PCDHB7: variants seen among roughly 807,000 people sequenced by gnomAD.
PCDHB7 encodes protocadherin beta 7.
For synonymous variants in PCDHB7, 542 were observed against 463.1 expected (o/e 1.17, Z -2.19); for missense variants, 1,148 against 1,011.6 (o/e 1.13, Z -1.83).
Position 141,173,315 on chromosome 5 carries a change from A to G in PCDHB7, c.480A>G (p.Ser160=), listed in dbSNP as rs1444539824. The change falls in exon 1 of 1, where the codon TCA becomes TCG. Residue 160 remains serine (S), a synonymous_variant. Coordinates refer to ENST00000231137, the MANE Select transcript of PCDHB7 (RefSeq NM_018940.4). ...TTCTCCTAGAGAGTGCACAGGATTC[A>G]GATGTTGGAACCAACAGCCTGAGTA... The part of the protein sequence containing the change: ...AAFLLESAQD[S]DVGTNSLSNY... The G allele has an allele frequency of 6.2e-7, 1 of 1,613,934 alleles. No individual in the cohort carries two copies. Among genetic ancestry groups the G allele is most frequent in the Admixed American group, 1.7e-5 (1 of 60,000 alleles).
Position 141,174,181 on chromosome 5 carries a change from C to A in PCDHB7, c.1346C>A (p.Pro449His), listed in dbSNP as rs370975099. The A allele has an allele frequency of 7.4e-6, 12 of 1,613,470 alleles. No individual in the cohort carries two copies. The highest frequency in any genetic ancestry group is 2.7e-5 in the African/African-American group (2 of 74,922). Residue 449 changes from proline (P) to histidine (H), a missense_variant, in exon 1 of 1, where the codon CCC becomes CAC. Pro to His is a moderately conservative substitution (Grantham distance 77, BLOSUM62 -2). Transcript: ENST00000231137. Reference sequence around the variant, plus strand: ...GTCTCCGACGTCAATGACAACGCTCCCGCCTTCACCCAAACCTCCTACACC... The same window carrying A: ...GTCTCCGACGTCAATGACAACGCTCACGCCTTCACCCAAACCTCCTACACC... ...VLVSDVNDNAPAFTQTSYTLF... is the reference protein window; with the variant it reads ...VLVSDVNDNAHAFTQTSYTLF...
At position 141,174,729 on chromosome 5, in the gene PCDHB7, G is replaced by C. The variant is rs17844473; in HGVS notation, c.1894G>C (p.Glu632Gln). ...GGTGCGTACCGCCAGGCTGCTGAGC[G>C]AGCGCGACGCAGCCAAGCAGAGGCT... The part of the protein sequence containing the change: ...GEVRTARLLS[E>Q]RDAAKQRLVV... Residue 632 changes from glutamate (E) to glutamine (Q), a missense_variant, in exon 1 of 1, where the codon GAG becomes CAG. By Grantham distance (29) the Glu-to-Gln change is conservative. Coordinates refer to ENST00000231137, the MANE Select transcript of PCDHB7 (RefSeq NM_018940.4). 1.2e-6 allele frequency: 2 copies of C among 1,610,984 alleles called. No homozygotes were observed. Among genetic ancestry groups the C allele is most frequent in the Non-Finnish European group, 1.7e-6 (2 of 1,179,668 alleles).
chr5:141,173,076 A>T lies in PCDHB7; in HGVS notation c.241A>T (p.Thr81Ser). The T allele has an allele frequency of 6.2e-7, 1 of 1,614,202 alleles. No individual in the cohort carries two copies. Among genetic ancestry groups the T allele is most frequent in the Non-Finnish European group, 8.5e-7 (1 of 1,180,038 alleles). The change falls in exon 1 of 1, where the codon ACT (threonine) becomes TCT (serine). Residue 81 changes from threonine (T) to serine (S), a missense_variant. Physicochemically the swap from Thr to Ser is moderately conservative, Grantham distance 58. Transcript: ENST00000231137. ...GCAAATTTTACTGCTCAGTTCGCTT[A>T]CTGGTGATCTACTTCTAAATGAGAA... is the stretch of plus-strand genomic sequence containing the variant. ...NMQILLLSSLTGDLLLNEKLD... is the reference protein window; with the variant it reads ...NMQILLLSSLSGDLLLNEKLD...
rs1292393622 is a variant in PCDHB7, at chr5:141,174,177, G to A, written c.1342G>A (p.Ala448Thr). 3 of 1,613,492 alleles carry A rather than the reference G, an allele frequency of 1.9e-6. No homozygotes were observed. The highest frequency in any genetic ancestry group is 1.3e-5 in the African/African-American group (1 of 74,896). The change falls in exon 1 of 1, where the codon GCT (alanine) becomes ACT (threonine). Residue 448 changes from alanine to threonine, a missense_variant. Transcript: ENST00000231137. Reference sequence around the variant, plus strand: ...GCTGGTCTCCGACGTCAATGACAACGCTCCCGCCTTCACCCAAACCTCCTA... The same window carrying A: ...GCTGGTCTCCGACGTCAATGACAACACTCCCGCCTTCACCCAAACCTCCTA... Reference protein sequence around the residue: ...TVLVSDVNDNAPAFTQTSYTL... With the variant: ...TVLVSDVNDNTPAFTQTSYTL...
At position 141,174,127 on chromosome 5, in the gene PCDHB7, T is replaced by G. The variant is rs1753297664; in HGVS notation, c.1292T>G (p.Leu431Arg). The change falls in exon 1 of 1, where the codon CTG becomes CGG. Residue 431 changes from leucine (L) to arginine (R), a missense_variant. Physicochemically the swap from Leu to Arg is moderately radical, Grantham distance 102 (BLOSUM62 -2). Transcript: ENST00000231137. ...GTCACCGACTTGGGGACACCCAGGC[T>G]GAAAACCGAGCACAACATAACCGTG... is the stretch of plus-strand genomic sequence containing the variant. ...ITVTDLGTPR[L>R]KTEHNITVLV... The G allele has an allele frequency of 6.2e-7, 1 of 1,614,082 alleles. No homozygotes were observed. Among genetic ancestry groups the G allele is most frequent in the Non-Finnish European group, 8.5e-7 (1 of 1,180,038 alleles).
In PCDHB7 at chr5:141,175,501, A is replaced by C; in HGVS notation, c.*284A>C. The stretch of plus-strand genomic sequence containing the variant: ...TTTTAAATTGCTTTCCATTGTTTTC[A>C]ATCTCTACTGAGACTTCCTGAGTTG... On this transcript the variant is annotated 3_prime_UTR_variant, in exon 1 of 1. Coordinates refer to ENST00000231137, the MANE Select transcript of PCDHB7 (RefSeq NM_018940.4). The C allele has an allele frequency of 2.2e-6, 1 of 447,084 alleles. No homozygotes were observed. The highest frequency in any genetic ancestry group is 3.9e-6 in the Non-Finnish European group (1 of 256,696). 27.7% of individuals were successfully genotyped at this position (447,084 alleles called of 1,614,324 possible).
rs1554280458 is a variant in PCDHB7, at chr5:141,175,076, C to A, written c.2241C>A (p.Tyr747Ter). The A allele has an allele frequency of 3.1e-6, 5 of 1,614,230 alleles. No individual in the cohort carries two copies. In the South Asian group the frequency reaches 4.4e-5, roughly 14 times the overall value. ...GCACCGGGACCCTATCCCAGAGCTA[C>A]CAGTATGAGGTGTGCCTGACTGGAG... ...LSGTGTLSQS[Y>*]QYEVCLTGGS... Residue 747 changes from tyrosine to a stop codon, truncating the protein, a stop_gained, in exon 1 of 1, where the codon TAC becomes TAA. Transcript: ENST00000231137. LOFTEE classifies it low-confidence loss of function (END_TRUNC).
In PCDHB7 at chr5:141,175,921, A is replaced by C. The variant is rs548651314; in HGVS notation, c.*704A>C. ...TCTATATTTAGAAATAATAATGTACATATTTATCTATGGTTTTATTTTCTT... is the reference window on the plus strand; with the variant it reads ...TCTATATTTAGAAATAATAATGTACCTATTTATCTATGGTTTTATTTTCTT... On this transcript the variant is annotated 3_prime_UTR_variant, in exon 1 of 1. Coordinates refer to ENST00000231137, the MANE Select transcript of PCDHB7 (RefSeq NM_018940.4). The C allele has an allele frequency of 1.2e-5, 2 of 167,114 alleles. No homozygotes were observed. Among genetic ancestry groups the C allele is most frequent in the East Asian group, 3.8e-4 (2 of 5,202 alleles). The allele number at this position is 167,114 out of a possible 1,614,324, so 10.4% of individuals were successfully genotyped here.
rs781831445 is a variant in PCDHB7 at position 141,173,764 on chromosome 5, A to C, written c.929A>C (p.Glu310Ala). The C allele has an allele frequency of 2.5e-6, 4 of 1,614,016 alleles. No homozygotes were observed. The African/African-American group carries it at 5.3e-5, about 22-fold the overall frequency. Residue 310 changes from glutamate (E) to alanine (A), a missense_variant, in exon 1 of 1, where the codon GAG becomes GCG. Glu to Ala is a moderately radical substitution (Grantham distance 107, BLOSUM62 -1). Transcript: ENST00000231137. ...SLHLKAQLDYEAIQTYTLTIQ... is the reference protein window; with the variant it reads ...SLHLKAQLDYAAIQTYTLTIQ... ...CATCTTAAAGCGCAATTGGACTATG[A>C]GGCAATTCAAACTTACACATTAACT... is the stretch of plus-strand genomic sequence containing the variant.
chr5:141,175,432 AT>A lies in PCDHB7; in HGVS notation c.*216del. On this transcript the variant is annotated 3_prime_UTR_variant, in exon 1 of 1. Coordinates refer to ENST00000231137, the MANE Select transcript of PCDHB7 (RefSeq NM_018940.4). Reference sequence around the variant, plus strand: ...GTGTAATGTTTTATGTCAAACAATTATGCTTAATATACAGTCTATTAAATGT... The same window carrying A: ...GTGTAATGTTTTATGTCAAACAATTAGCTTAATATACAGTCTATTAAATGT... The A allele has an allele frequency of 1.6e-6, 1 of 625,968 alleles. No individual in the cohort carries two copies. Among genetic ancestry groups the A allele is most frequent in the Non-Finnish European group, 2.7e-6 (1 of 373,504 alleles). 38.8% of individuals were successfully genotyped at this position (625,968 alleles called of 1,614,324 possible).
chr5:141,174,135 G>A lies in PCDHB7; in HGVS notation c.1300G>A (p.Glu434Lys), dbSNP rs782231992. The A allele has an allele frequency of 1.9e-6, 3 of 1,613,990 alleles. No individual in the cohort carries two copies. Among genetic ancestry groups the A allele is most frequent in the Non-Finnish European group, 2.5e-6 (3 of 1,180,030 alleles). The change falls in exon 1 of 1, where the codon GAG (glutamate) becomes AAG (lysine). Residue 434 changes from glutamate (E) to lysine (K), a missense_variant. By Grantham distance (56) the Glu-to-Lys change is moderately conservative. Transcript: ENST00000231137. ...CTTGGGGACACCCAGGCTGAAAACC[G>A]AGCACAACATAACCGTGCTGGTCTC... ...TDLGTPRLKT[E>K]HNITVLVSDV...
rs1753281519 is a variant in PCDHB7 at position 141,173,795 on chromosome 5, G to A, written c.960G>A (p.Gln320=). 7 of 1,614,056 alleles carry A rather than the reference G, an allele frequency of 4.3e-6. 1 individual carries two copies. The highest frequency in any genetic ancestry group is 5.9e-6 in the Non-Finnish European group (7 of 1,180,034). The change falls in exon 1 of 1, where the codon CAG becomes CAA. Residue 320 remains glutamine, a synonymous_variant. Transcript: ENST00000231137. ...EAIQTYTLTI[Q]AKDGGGLSGK... ...TTCAAACTTACACATTAACTATTCA[G>A]GCCAAAGACGGCGGCGGGCTTTCTG...
rs1753353751 is a variant in PCDHB7, at chr5:141,175,237, C to T, written c.*20C>T. The stretch of plus-strand genomic sequence containing the variant: ...TTCTGATAAAGAATGTAAACTAAAT[C>T]CGCGTCTGTGAATACGTTTCTGATT... On this transcript the variant is annotated 3_prime_UTR_variant, in exon 1 of 1. Coordinates refer to ENST00000231137, the MANE Select transcript of PCDHB7 (RefSeq NM_018940.4). The T allele has an allele frequency of 6.3e-7, 1 of 1,580,728 alleles. No individual in the cohort carries two copies. Among genetic ancestry groups the T allele is most frequent in the African/African-American group, 1.4e-5 (1 of 73,556 alleles).
rs1554280457 is a variant in PCDHB7, at chr5:141,175,072, G to C, written c.2237G>C (p.Ser746Thr). 2 of 1,614,262 alleles carry C rather than the reference G, an allele frequency of 1.2e-6. No homozygotes were observed. The highest frequency in any genetic ancestry group is 1.3e-5 in the African/African-American group (1 of 75,058). ...AGCGGCACCGGGACCCTATCCCAGA[G>C]CTACCAGTATGAGGTGTGCCTGACT... ...DLSGTGTLSQ[S>T]YQYEVCLTGG... The change falls in exon 1 of 1, where the codon AGC becomes ACC. Residue 746 changes from serine to threonine, a missense_variant. Coordinates refer to ENST00000231137, the MANE Select transcript of PCDHB7 (RefSeq NM_018940.4).
In PCDHB7 at chr5:141,173,474, C is replaced by A. The variant is rs782026086; in HGVS notation, c.639C>A (p.Thr213=). ...EEIPEFSLTL[T]ALDGGSPPRS... ...TACCAGAGTTCAGTTTAACCCTCACCGCTTTAGACGGCGGCTCTCCTCCAA... is the reference window on the plus strand; with the variant it reads ...TACCAGAGTTCAGTTTAACCCTCACAGCTTTAGACGGCGGCTCTCCTCCAA... The change falls in exon 1 of 1, where the codon ACC becomes ACA. Residue 213 remains threonine, a synonymous_variant. Transcript: ENST00000231137. 5.6e-6 allele frequency: 9 copies of A among 1,614,160 alleles called. No homozygotes were observed. Among genetic ancestry groups the A allele is most frequent in the Admixed American group, 1.7e-5 (1 of 60,028 alleles).
chr5:141,173,669 C>T lies in PCDHB7; in HGVS notation c.834C>T (p.Ala278=), dbSNP rs1554280041. ...ATACCGGAAGTAATGGGGAAATAGC[C>T]TATGCATTTTCTTACGCCACTGAAA... The part of the protein sequence containing the change: ...DLDTGSNGEI[A]YAFSYATERI... Residue 278 remains alanine, a synonymous_variant, in exon 1 of 1, where the codon GCC becomes GCT. Transcript: ENST00000231137. 1.2e-6 allele frequency: 2 copies of T among 1,614,046 alleles called. No homozygotes were observed. The highest frequency in any genetic ancestry group is 1.7e-6 in the Non-Finnish European group (2 of 1,180,040).
rs782281188 is a variant in PCDHB7 at position 141,175,095 on chromosome 5, ACTGGAGG to A, written c.2263_2269del (p.Gly755ProfsTer9). On this transcript the variant is annotated frameshift_variant, in exon 1 of 1. Transcript: ENST00000231137. LOFTEE classifies it low-confidence loss of function (END_TRUNC). ...GAGCTACCAGTATGAGGTGTGCCTG[ACTGGAGG>A]CTCCGGGACAAATGAGTTCAAGTTT... 3.7e-6 allele frequency: 6 copies of A among 1,614,132 alleles called. No homozygotes were observed. Among genetic ancestry groups the A allele is most frequent in the Non-Finnish European group, 3.4e-6 (4 of 1,180,052 alleles).
chr5:141,174,862 C>G lies in PCDHB7; in HGVS notation c.2027C>G (p.Ala676Gly). 1 of 1,612,544 alleles carries G rather than the reference C, an allele frequency of 6.2e-7. No individual in the cohort carries two copies. The highest frequency in any genetic ancestry group is 8.5e-7 in the Non-Finnish European group (1 of 1,179,752). The change falls in exon 1 of 1, where the codon GCG becomes GGG. Residue 676 changes from alanine to glycine, a missense_variant. Physicochemically the swap from Ala to Gly is moderately conservative, Grantham distance 60. Transcript: ENST00000231137. ...FSQPYLRLPE[A>G]APDQANSLTV... ...CAGCCCTACCTGCGGCTCCCGGAGG[C>G]GGCCCCGGACCAGGCCAACTCGCTC...
rs782041111 is a variant in PCDHB7 at position 141,173,110 on chromosome 5, G to C, written c.275G>C (p.Arg92Pro). 1.2e-6 allele frequency: 2 copies of C among 1,614,186 alleles called. No individual in the cohort carries two copies. The highest frequency in any genetic ancestry group is 1.7e-6 in the Non-Finnish European group (2 of 1,180,040). ...GDLLLNEKLD[R>P]EELCGPREPC... Reference sequence around the variant, plus strand: ...CTACTTCTAAATGAGAAATTGGACCGAGAGGAACTGTGTGGCCCCAGAGAG... The same window carrying C: ...CTACTTCTAAATGAGAAATTGGACCCAGAGGAACTGTGTGGCCCCAGAGAG... Residue 92 changes from arginine (R) to proline (P), a missense_variant, in exon 1 of 1, where the codon CGA becomes CCA. Transcript: ENST00000231137.
Sources: allele counts gnomAD v4.1 joint callset, GRCh38; gene constraint gnomAD v4.1.1; transcripts MANE v1.5; gene names NCBI Gene and HGNC (gene_info 2026-07-23, HGNC 2026-07-21).